Variants in EIF4G3 observed in about 807,000 individuals in gnomAD.
The protein encoded by EIF4G3 is eukaryotic translation initiation factor 4 gamma 3, also known as eIF-4-gamma 3.
In EIF4G3, 34 loss-of-function variants were observed where a neutral mutation model predicts 186.4. That is an observed-to-expected ratio of 0.18 (90% CI 0.14 to 0.24). The LOEUF (loss-of-function observed/expected upper bound fraction) is 0.24, where lower values mean the gene tolerates loss of function less well. EIF4G3 is among the 10% of genes least tolerant of loss of function. The probability of loss-of-function intolerance (pLI) is 1.00; values close to 1 mark genes in which losing one functional copy is unlikely to be tolerated. For missense variants in EIF4G3, 1,536 were observed against 1,948.5 expected (o/e 0.79, Z 3.99); for synonymous variants, 673 against 679.5 (o/e 0.99, Z 0.15).
Position 20,941,563 on chromosome 1 carries a change from C to T in EIF4G3, c.1591G>A (p.Val531Ile), listed in dbSNP as rs2095714328. 6.2e-7 allele frequency: 1 copy of T among 1,614,092 alleles called. No homozygotes were observed. Among genetic ancestry groups the T allele is most frequent in the Non-Finnish European group, 8.5e-7 (1 of 1,179,988 alleles). Residue 531 changes from valine (V) to isoleucine (I), a missense_variant, in exon 14 of 37, where the codon GTA (valine) becomes ATA (isoleucine). Coordinates refer to ENST00000602326, the MANE Select transcript of EIF4G3 (RefSeq NM_001391906.1). The part of the protein sequence containing the change: ...DAKEIQNKIE[V>I]EADGQTEEIL... ...TCTTCTGTTTGCCCATCTGCTTCTA[C>T]CTCTATTTTGTTCTGAATCTCTTTT...
intron 4 of EIF4G3, among the ~76,000 whole-genome samples, chr1:21,025,986 TA>T (rs1270147245): frequency 3.3e-5 from 5 of 152,170 alleles, no homozygotes; most frequent in African/African-American, 1.2e-4. Context: ...CAAAGTGACT[TA>T]CAGATTCAAT....
At chr1:20,831,278 A>AATTTTT (rs1553194519) in intron 30 of EIF4G3, among the ~76,000 whole-genome samples, 2 of 142,990 alleles carry the variant, frequency 1.4e-5, no homozygotes, top group Non-Finnish European at 1.5e-5. Context: ...AAAAATATTA[A>AATTTTT]TTTTTTTTTT....
intron 4 of EIF4G3, among the ~76,000 whole-genome samples, chr1:21,013,198 C>A (rs1485725483): frequency 6.6e-6 from 1 of 151,988 alleles, no homozygotes; most frequent in Non-Finnish European, 1.5e-5. Flanking sequence ...ATAATTTCAA[C>A]CAGACGCAAA....
rs779134768 is a variant in EIF4G3, at chr1:20,980,389, C to T, written c.438G>A (p.Pro146=). 24 of 1,547,548 alleles carry T rather than the reference C, an allele frequency of 1.6e-5. No individual in the cohort carries two copies. The highest frequency in any genetic ancestry group is 7.2e-5 in the African/African-American group (5 of 69,342). ...GPPQQYPVQP[P]GPGPFYPGPG... ...GTCCAGGATAAAAAGGACCTGGCCC[C>T]GGTGGTTGAACTGGATATTGTTGGG... is the stretch of plus-strand genomic sequence containing the variant. The change falls in exon 10 of 37, where the codon CCG becomes CCA. Residue 146 remains proline, a synonymous_variant. Coordinates refer to ENST00000602326, the MANE Select transcript of EIF4G3 (RefSeq NM_001391906.1).
At chr1:21,012,808 A>G (rs568178421) in intron 4 of EIF4G3, among the ~76,000 whole-genome samples, 4 of 152,312 alleles carry the variant, frequency 2.6e-5, no homozygotes, top group Admixed American at 2.0e-4. Flanking sequence ...CCATAGGAAC[A>G]TATCGGGAAA....
intron 14 of EIF4G3, among the ~76,000 whole-genome samples, chr1:20,918,701 C>CTTT (rs35704755): frequency 0.03 from 2,801 of 94,848 alleles, 88 homozygotes; most frequent in Middle Eastern, 0.06. Flanking sequence ...CTCCTAGTAT[C>CTTT]TTTTTTTTTT....
rs147799177 is a variant in EIF4G3 at position 21,026,892 on chromosome 1, G to A, written c.-67+23974C>T. On this transcript the variant is annotated intron_variant, in intron 4 of 36. Coordinates refer to ENST00000602326, the MANE Select transcript of EIF4G3 (RefSeq NM_001391906.1). ...GCGGAGGTTGCAGTGAGCTGAGATC[G>A]CACCACTGCACTCCAGCCTGCGTGA... 4.2e-3 allele frequency among the ~76,000 whole-genome samples: 595 copies of A among 142,256 alleles called. 6 individuals carry two copies. The highest frequency in any genetic ancestry group is 0.015 in the African/African-American group (574 of 38,272). 93.3% of individuals were successfully genotyped at this position (142,256 alleles called of 152,430 possible).
In EIF4G3 at chr1:21,053,198, G is replaced by A. The variant is rs1295601284; in HGVS notation, c.-195-2204C>T. On this transcript the variant is annotated intron_variant, in intron 3 of 36. Transcript: ENST00000602326. ...GGGAGCACCTCTGCCCTGCCACCCC[G>A]TCTGGGATGTGAGGAGCGTCTCTGC... is the stretch of plus-strand genomic sequence containing the variant. 7.2e-5 allele frequency among the ~76,000 whole-genome samples: 11 copies of A among 151,752 alleles called. No individual in the cohort carries two copies. The East Asian group carries it at 7.8e-4, about 11-fold the overall frequency.
intron 3 of EIF4G3, among the ~76,000 whole-genome samples, chr1:21,083,629 T>G (rs2095865179): frequency 6.6e-6 from 1 of 152,134 alleles, no homozygotes; most frequent in Admixed American, 6.6e-5. Context: ...TGGTCTCGAT[T>G]TTTTAAAACT....
At chr1:21,096,146 G>A (rs1037693408) in intron 2 of EIF4G3, among the ~76,000 whole-genome samples, 2 of 152,056 alleles carry the variant, frequency 1.3e-5, no homozygotes, top group Admixed American at 1.3e-4. Context: ...ATCAACCTAA[G>A]TGTCCATCAG....
chr1:20,970,781 T>C (rs977719966), intron 11 of EIF4G3, among the ~76,000 whole-genome samples: 4 of 152,060 alleles, frequency 2.6e-5, no homozygotes, highest in African/African-American at 7.2e-5. Context: ...CTGGCCAACA[T>C]GGTGAAACCC....
At chr1:21,076,395 C>A (rs1269154788) in intron 3 of EIF4G3, among the ~76,000 whole-genome samples, 2 of 151,844 alleles carry the variant, frequency 1.3e-5, no homozygotes, top group African/African-American at 4.8e-5. Context: ...ATCAAAAAAG[C>A]AGAAAGAAAA....
rs34197724 is a variant in EIF4G3, at chr1:21,176,231, TGCCGCCGCCGCC to T, written c.-340_-329del. On this transcript the variant is annotated 5_prime_UTR_variant, in exon 2 of 37. Transcript: ENST00000602326. ...TGTTCGGGTGAGGAGGGGGGACCGCTGCCGCCGCCGCCGCCGCCGCCGCCGCCGCCGCCGCTG... is the reference window on the plus strand; with the variant it reads ...TGTTCGGGTGAGGAGGGGGGACCGCTGCCGCCGCCGCCGCCGCCGCCGCTG... The T allele has an allele frequency of 5.5e-4, 191 of 346,352 alleles. 7 individuals are homozygous for T. Among genetic ancestry groups the T allele is most frequent in the East Asian group, 1.9e-3 (39 of 20,420 alleles). The allele number at this position is 346,352 out of a possible 1,614,324, so 21.5% of individuals were successfully genotyped here.
At chr1:20,847,195 A>G (rs1039181268) in intron 29 of EIF4G3, among the ~76,000 whole-genome samples, 1 of 152,206 alleles carries the variant, frequency 6.6e-6, no homozygotes, top group Admixed American at 6.5e-5. Context: ...AATAACATCA[A>G]CTTCAGGAGA....
At chr1:21,008,088 CT>C (rs1182302961) in intron 4 of EIF4G3, among the ~76,000 whole-genome samples, 4 of 152,160 alleles carry the variant, frequency 2.6e-5, no homozygotes, top group Admixed American at 6.5e-5. Flanking sequence ...CTGTAGTGAG[CT>C]GTAATTGTGC....
At chr1:21,166,677 A>G (rs1300735405) in intron 2 of EIF4G3, among the ~76,000 whole-genome samples, 1 of 152,182 alleles carries the variant, frequency 6.6e-6, no homozygotes, top group African/African-American at 2.4e-5. Flanking sequence ...CAGTGAGCTG[A>G]GATGGAGATC....
chr1:20,878,246 T>A (rs1435117087), intron 20 of EIF4G3, among the ~76,000 whole-genome samples: 2 of 152,194 alleles, frequency 1.3e-5, no homozygotes, highest in African/African-American at 2.4e-5. Context: ...GACTTGAGCC[T>A]GCTTAGAATG....
At chr1:21,020,324 C>CA (rs545924890) in intron 4 of EIF4G3, among the ~76,000 whole-genome samples, 1 of 151,584 alleles carries the variant, frequency 6.6e-6, no homozygotes, top group Non-Finnish European at 1.5e-5. Context: ...TCCGTCTCTA[C>CA]AAAAAAAATT....
intron 3 of EIF4G3, among the ~76,000 whole-genome samples, chr1:21,054,975 T>C (rs888851087): frequency 2.0e-4 from 30 of 152,188 alleles, no homozygotes; most frequent in Admixed American, 1.6e-3. Flanking sequence ...TATGATTTTC[T>C]TGGGAAAATT....
Sources: allele counts gnomAD v4.1 joint callset (sites outside exome capture counted in the v4.1 genomes callset), GRCh38; gene constraint gnomAD v4.1.1; transcripts MANE v1.5; gene names NCBI Gene and HGNC (gene_info 2026-07-23, HGNC 2026-07-21).